Variants in ACOT12 observed in about 807,000 individuals in gnomAD.
The protein encoded by ACOT12 is acetyl-coenzyme A thioesterase.
ACOT12 carries 51 observed loss-of-function variants against 67.7 expected under a neutral mutation model. That is an observed-to-expected ratio of 0.75 (90% CI 0.60 to 0.95). The LOEUF is 0.95. Ranked by LOEUF, ACOT12 falls within the 40% of genes least tolerant of loss-of-function variation. The pLI, the probability that ACOT12 is intolerant of heterozygous loss-of-function variation, is 0.00. For synonymous variants in ACOT12, 251 were observed against 244.6 expected (o/e 1.03, Z -0.24); for missense variants, 734 against 708.1 (o/e 1.04, Z -0.41).
Position 81,363,735 on chromosome 5 carries a change from G to T in ACOT12, c.360+53C>A, listed in dbSNP as rs1759987980. On this transcript the variant is annotated intron_variant, in intron 4 of 14. Coordinates refer to ENST00000307624, the MANE Select transcript of ACOT12 (RefSeq NM_130767.3). Reference sequence around the variant, plus strand: ...TTTTCTATAACATTCTGATGCAATTGTTACTATGTCCCTGAATTACATGCT... The same window carrying T: ...TTTTCTATAACATTCTGATGCAATTTTTACTATGTCCCTGAATTACATGCT... The T allele has an allele frequency of 3.0e-6, 4 of 1,349,126 alleles. No homozygotes were observed. The Middle Eastern group carries it at 5.8e-4, about 196-fold the overall frequency. The allele number at this position is 1,349,126 out of a possible 1,614,324, so 83.6% of individuals were successfully genotyped here.
intron 5 of ACOT12, among the ~76,000 whole-genome samples, chr5:81,353,792 C>T (rs1050770534): frequency 2.6e-5 from 4 of 152,162 alleles, no homozygotes; most frequent in African/African-American, 9.7e-5. Flanking sequence ...TAATAATATG[C>T]ATTTCCATCA....
intron 11 of ACOT12, among the ~76,000 whole-genome samples, chr5:81,337,173 CATCCA>C (rs1196997120): frequency 3.3e-5 from 5 of 152,198 alleles, no homozygotes; most frequent in Admixed American, 2.0e-4. Context: ...ATTCATCAGT[CATCCA>C]ATCGGTGGTT....
At position 81,347,904 on chromosome 5, in the gene ACOT12, C is replaced by T. The variant is rs753393558; in HGVS notation, c.523G>A (p.Ala175Thr). 1.9e-6 allele frequency: 3 copies of T among 1,613,740 alleles called. No individual in the cohort carries two copies. In the South Asian group the frequency reaches 3.3e-5, roughly 18 times the overall value. Residue 175 changes from alanine to threonine, a missense_variant, in exon 6 of 15, where the codon GCG (alanine) becomes ACG (threonine). By Grantham distance (58) the Ala-to-Thr change is moderately conservative. Coordinates refer to ENST00000307624, the MANE Select transcript of ACOT12 (RefSeq NM_130767.3). ...ACGGAGGTGCCCCTTGTGGAAACCG[C>T]TCCTTCCTCTTCATCAAAAATGAGA... ...DDLIFDEEEG[A>T]VSTRGTSVQS... is the part of the protein sequence containing the mutation.
At chr5:81,392,765 C>G (rs1365832367) in intron 1 of ACOT12, among the ~76,000 whole-genome samples, 1 of 150,708 alleles carries the variant, frequency 6.6e-6, no homozygotes. Context: ...AAAAAAAAGG[C>G]TTAAACGAAT....
At chr5:81,344,614 G>A (rs1759313911) in intron 8 of ACOT12, among the ~76,000 whole-genome samples, 1 of 152,206 alleles carries the variant, frequency 6.6e-6, no homozygotes, top group African/African-American at 2.4e-5. Context: ...GGAAGTGAGA[G>A]AAGAGACCCA....
intron 2 of ACOT12, among the ~76,000 whole-genome samples, chr5:81,375,278 G>A (rs1428582518): frequency 6.6e-6 from 1 of 152,134 alleles, no homozygotes; most frequent in African/African-American, 2.4e-5. Context: ...ATCCTTTACA[G>A]GCAGGCAAAT....
chr5:81,377,084 T>C (rs1385508204), intron 2 of ACOT12, among the ~76,000 whole-genome samples: 1 of 151,958 alleles, frequency 6.6e-6, no homozygotes, highest in Non-Finnish European at 1.5e-5. Flanking sequence ...GATGCGAAAA[T>C]CCTCAATAAA....
chr5:81,357,620 G>T lies in ACOT12; in HGVS notation c.496+2283C>A, dbSNP rs551769704. On this transcript the variant is annotated intron_variant, in intron 5 of 14. Coordinates refer to ENST00000307624, the MANE Select transcript of ACOT12 (RefSeq NM_130767.3). ...AGTTCCGGGCAAAAGGGTGGAGAAT[G>T]ACCTTGAGATGTGATTCAGACGAGG... Among the ~76,000 whole-genome samples the T allele has an allele frequency of 8.9e-4, 136 of 152,276 alleles. 2 individuals carry two copies. Among genetic ancestry groups the T allele is most frequent in the Non-Finnish European group, 8.8e-5 (6 of 68,028 alleles).
At chr5:81,333,403 G>A (rs1227933510) in intron 12 of ACOT12, among the ~76,000 whole-genome samples, 2 of 152,292 alleles carry the variant, frequency 1.3e-5, no homozygotes, top group East Asian at 3.9e-4. Flanking sequence ...GTTGCGTTAG[G>A]CAAGTCATTT....
chr5:81,376,016 C>A (rs1760401382), intron 2 of ACOT12, among the ~76,000 whole-genome samples: 1 of 152,118 alleles, frequency 6.6e-6, no homozygotes, highest in Non-Finnish European at 1.5e-5. Context: ...AACTCTCCAC[C>A]CCAAATGAAC....
chr5:81,314,259 C>T, the ACOT12 span, among the ~76,000 whole-genome samples: 1 of 152,080 alleles, frequency 6.6e-6, no homozygotes, highest in Non-Finnish European at 1.5e-5. Flanking sequence ...CACGCACCAC[C>T]ACACCCCGCT....
intron 11 of ACOT12, among the ~76,000 whole-genome samples, chr5:81,340,659 C>T (rs1212315122): frequency 6.6e-6 from 1 of 152,000 alleles, no homozygotes; most frequent in Non-Finnish European, 1.5e-5. Flanking sequence ...TGAGCCTGGC[C>T]CAAAAGTATG....
chr5:81,343,521 G>A (rs1759271529), intron 10 of ACOT12, among the ~76,000 whole-genome samples: 1 of 152,100 alleles, frequency 6.6e-6, no homozygotes, highest in Admixed American at 6.6e-5. Context: ...CAAGCTGGTG[G>A]GCACAAGTCA....
chr5:81,347,437 C>G (rs1042316433), intron 6 of ACOT12, among the ~76,000 whole-genome samples: 4 of 152,126 alleles, frequency 2.6e-5, no homozygotes, highest in Non-Finnish European at 4.4e-5. Context: ...AAGTGTGAAG[C>G]CTGTCTTCTA....
intron 5 of ACOT12, among the ~76,000 whole-genome samples, chr5:81,355,720 A>C (rs1441356761): frequency 6.6e-6 from 1 of 152,044 alleles, no homozygotes; most frequent in Non-Finnish European, 1.5e-5. Flanking sequence ...CGGTGGGAGG[A>C]GGTAGCTCTC....
intron 5 of ACOT12, among the ~76,000 whole-genome samples, chr5:81,351,734 C>A (rs1759558331): frequency 6.6e-6 from 1 of 152,016 alleles, no homozygotes; most frequent in Non-Finnish European, 1.5e-5. Flanking sequence ...CACAGGTAAC[C>A]AAAGCAAAAA....
chr5:81,323,516 A>T, the ACOT12 span, among the ~76,000 whole-genome samples: 1 of 152,222 alleles, frequency 6.6e-6, no homozygotes, highest in South Asian at 2.1e-4. Context: ...CAAGCCTTTG[A>T]TTGCATGATG....
chr5:81,338,645 G>A (rs1350501208), intron 11 of ACOT12, among the ~76,000 whole-genome samples: 10 of 152,106 alleles, frequency 6.6e-5, no homozygotes, highest in Admixed American at 6.6e-4. Flanking sequence ...CAACTCAAAC[G>A]TTTTCTTTAT....
intron 5 of ACOT12, among the ~76,000 whole-genome samples, chr5:81,357,808 C>G (rs574878486): frequency 5.3e-5 from 8 of 152,158 alleles, no homozygotes; most frequent in Non-Finnish European, 1.2e-4. Flanking sequence ...GAGTTCAAGA[C>G]CAGCCTGGCC....
Sources: allele counts gnomAD v4.1 joint callset (sites outside exome capture counted in the v4.1 genomes callset), GRCh38; gene constraint gnomAD v4.1.1; transcripts MANE v1.5; gene names NCBI Gene and HGNC (gene_info 2026-07-23, HGNC 2026-07-21).